Variants in ATP11B observed in about 807,000 individuals in gnomAD.
ATP11B encodes ATPase phospholipid transporting 11B (putative).
A neutral mutation model predicts 157.8 loss-of-function variants in ATP11B; 81 were observed. That is an observed-to-expected ratio of 0.51 (90% confidence interval 0.43 to 0.62). The LOEUF (loss-of-function observed/expected upper bound fraction) is 0.62. Ranked by LOEUF, ATP11B falls within the 20% of genes least tolerant of loss-of-function variation. The pLI is 0.00. For missense variants in ATP11B, 1,165 were observed against 1,402.2 expected, an observed-to-expected ratio of 0.83 and a Z score of 2.70; for synonymous variants, 451 against 469.4, an observed-to-expected ratio of 0.96 and a Z score of 0.51.
At chr3:182,884,650 TC>T in intron 21 of ATP11B, 102 bp from the exon 22 acceptor site, 1 of 1,164,234 alleles carries the variant, frequency 8.6e-7, no homozygotes, top group Non-Finnish European at 1.2e-6. Context: ...GATTTAATGT[TC>T]CTAAGTGCAT....
Position 182,805,675 on chromosome 3 carries a change from G to T in ATP11B, c.27+11889G>T, listed in dbSNP as rs140064093. On this transcript the variant is annotated intron_variant, in intron 1 of 29. Coordinates refer to ENST00000323116, the MANE Select transcript of ATP11B (RefSeq NM_014616.3). ...GGGGTTTCTCCATGTTGGTCAGACT[G>T]GTCTCGAACTCCTAACCTCAGGTGA... is the stretch of plus-strand genomic sequence containing the variant. 2.3e-3 allele frequency among the ~76,000 whole-genome samples: 349 copies of T among 149,884 alleles called. 3 individuals are homozygous for T. The highest frequency in any genetic ancestry group is 0.01 in the Middle Eastern group (3 of 290).
intron 15 of ATP11B, among the ~76,000 whole-genome samples, chr3:182,868,063 A>C (rs767511463): frequency 6.6e-6 from 1 of 151,990 alleles, no homozygotes; most frequent in Non-Finnish European, 1.5e-5. Context: ...TGAATATTTC[A>C]TCTATATTTT....
intron 12 of ATP11B, among the ~76,000 whole-genome samples, chr3:182,863,253 A>C (rs1720987663): frequency 6.6e-6 from 1 of 152,138 alleles, no homozygotes; most frequent in South Asian, 2.1e-4. Flanking sequence ...ATTTATGTTA[A>C]ATATTAATTC....
intron 28 of ATP11B, among the ~76,000 whole-genome samples, chr3:182,903,891 A>T (rs1724145770): frequency 6.6e-6 from 1 of 152,228 alleles, no homozygotes; most frequent in Non-Finnish European, 1.5e-5. Context: ...TTTTTATGAA[A>T]TCATATTTTC....
At position 182,837,826 on chromosome 3, in the gene ATP11B, T is replaced by C. The variant is rs1718671790; in HGVS notation, c.656+652T>C. Among the ~76,000 whole-genome samples the C allele has an allele frequency of 2.0e-5, 3 of 152,082 alleles. No homozygotes were observed. In the South Asian group the frequency reaches 6.2e-4, roughly 31 times the overall value. On this transcript the variant is annotated intron_variant, in intron 7 of 29. Transcript: ENST00000323116. ...CAGAGGAACTAACTGCTTTTAACAT[T>C]ACAGTTTGCTAAACACAGTGTTGTA... is the stretch of plus-strand genomic sequence containing the variant.
intron 6 of ATP11B, among the ~76,000 whole-genome samples, chr3:182,836,799 GT>G (rs1175617255): frequency 6.6e-6 from 1 of 152,126 alleles, no homozygotes; most frequent in Non-Finnish European, 1.5e-5. Context: ...AAAATTCACA[GT>G]TTTTCCTATT....
chr3:182,856,739 A>G (rs1011362542), intron 10 of ATP11B, among the ~76,000 whole-genome samples: 1 of 152,236 alleles, frequency 6.6e-6, no homozygotes, highest in African/African-American at 2.4e-5. Context: ...TAGAGTTTAC[A>G]TTGGAACATG....
intron 10 of ATP11B, among the ~76,000 whole-genome samples, chr3:182,850,535 C>A (rs1020440496): frequency 1.3e-5 from 2 of 151,838 alleles, no homozygotes; most frequent in African/African-American, 4.8e-5. Context: ...ATCTTGCCAG[C>A]CAGAATGGCT....
At chr3:182,827,411 A>G (rs921107042) in intron 2 of ATP11B, among the ~76,000 whole-genome samples, 43 of 152,200 alleles carry the variant, frequency 2.8e-4, no homozygotes, top group Admixed American at 7.2e-4. Flanking sequence ...TCCTCATTTT[A>G]TAGAGGAGCA....
At chr3:182,878,415 G>C (rs999204535) in intron 19 of ATP11B, among the ~76,000 whole-genome samples, 2 of 152,192 alleles carry the variant, frequency 1.3e-5, no homozygotes, top group Non-Finnish European at 2.9e-5. Context: ...GCTACACTGA[G>C]TACTGGCTTT....
chr3:182,916,827 G>T (rs539279825), intron 29 of ATP11B: 1 of 984,990 alleles, frequency 1.0e-6, no homozygotes, highest in East Asian at 1.1e-4. Flanking sequence ...TTGGACATCT[G>T]ACTCCGGATA....
chr3:182,817,679 T>G (rs1172462157), intron 1 of ATP11B, among the ~76,000 whole-genome samples: 2 of 152,192 alleles, frequency 1.3e-5, no homozygotes, highest in African/African-American at 4.8e-5. Flanking sequence ...CCAGTAGAGA[T>G]AAATGGGAAA....
intron 17 of ATP11B, among the ~76,000 whole-genome samples, chr3:182,870,145 A>G (rs1428359526): frequency 1.3e-5 from 2 of 152,250 alleles, no homozygotes; most frequent in African/African-American, 2.4e-5. Flanking sequence ...TTGTGGATTT[A>G]GATAGTGGTG....
rs1720440387 is a variant in ATP11B at position 182,856,764 on chromosome 3, T to A, written c.852-1114T>A. On this transcript the variant is annotated intron_variant, in intron 10 of 29. Coordinates refer to ENST00000323116, the MANE Select transcript of ATP11B (RefSeq NM_014616.3). Reference sequence around the variant, plus strand: ...ATTGGAACATGGTGGAATATCAGCTTACTCCATAGTTAAGATTAGGTTCAA... The same window carrying A: ...ATTGGAACATGGTGGAATATCAGCTAACTCCATAGTTAAGATTAGGTTCAA... 2.6e-5 allele frequency among the ~76,000 whole-genome samples: 4 copies of A among 152,174 alleles called. No individual in the cohort carries two copies. The South Asian group carries it at 8.3e-4, about 31-fold the overall frequency.
rs983689680 is a variant in ATP11B at position 182,917,346 on chromosome 3, T to C, written c.3453-677T>C. The C allele has an allele frequency of 1.3e-5, 13 of 985,384 alleles. No homozygotes were observed. The African/African-American group carries it at 2.3e-4, about 17-fold the overall frequency. 61.0% of individuals were successfully genotyped at this position (985,384 alleles called of 1,614,324 possible). On this transcript the variant is annotated intron_variant, in intron 29 of 29. Coordinates refer to ENST00000323116, the MANE Select transcript of ATP11B (RefSeq NM_014616.3). ...GGCTACTTTTGGTCTTGAGTTATTT[T>C]AGCTTAAATTAACTCAAGCTAATTT...
rs891431082 is a variant in ATP11B at position 182,869,128 on chromosome 3, G to A, written c.1739G>A (p.Ser580Asn). The A allele has an allele frequency of 4.3e-6, 7 of 1,611,692 alleles. No homozygotes were observed. The highest frequency in any genetic ancestry group is 1.3e-5 in the African/African-American group (1 of 74,860). The change falls in exon 16 of 30, where the codon AGT (serine) becomes AAT (asparagine). Residue 580 changes from serine (S) to asparagine (N), a missense_variant. By Grantham distance (46) the Ser-to-Asn change is conservative. Around this residue, in one of 4 missense-constraint regions of ATP11B, gnomAD observed 737 missense variants for 930.5 expected, o/e 0.79. Transcript: ENST00000323116. ...LEFDSDRRRM[S>N]VIVQAPSGEK... The stretch of plus-strand genomic sequence containing the variant: ...TTTGATTCAGATCGTAGGAGAATGA[G>A]TGTAATTGTTCAGGCACCTTCAGGT...
intron 12 of ATP11B, among the ~76,000 whole-genome samples, chr3:182,864,302 G>A (rs375635495): frequency 6.6e-6 from 1 of 152,072 alleles, no homozygotes; most frequent in Non-Finnish European, 1.5e-5. Context: ...ACAATGTTGA[G>A]TAAAAGTGAC....
intron 14 of ATP11B, among the ~76,000 whole-genome samples, chr3:182,866,925 A>G (rs895230409): frequency 8.4e-5 from 8 of 94,794 alleles, no homozygotes; most frequent in African/African-American, 2.3e-4. Flanking sequence ...TATAAAATAT[A>G]TATATATTTT....
rs140994805 is a variant in ATP11B, at chr3:182,810,864, C to T, written c.28-9396C>T. ...ATCCAAATACATAGTTGATTCTCAACGCTGTCAGACATATTTCCCCTGTTC... is the reference window on the plus strand; with the variant it reads ...ATCCAAATACATAGTTGATTCTCAATGCTGTCAGACATATTTCCCCTGTTC... On this transcript the variant is annotated intron_variant, in intron 1 of 29. Coordinates refer to ENST00000323116, the MANE Select transcript of ATP11B (RefSeq NM_014616.3). Among the ~76,000 whole-genome samples the T allele has an allele frequency of 2.1e-3, 320 of 152,240 alleles. 3 individuals carry two copies. Among genetic ancestry groups the T allele is most frequent in the Middle Eastern group, 0.01 (3 of 294 alleles).
Sources: allele counts gnomAD v4.1 joint callset (sites outside exome capture counted in the v4.1 genomes callset), GRCh38; gene constraint gnomAD v4.1.1; regional missense constraint gnomAD v4.1.1; transcripts MANE v1.5; gene names NCBI Gene and HGNC (gene_info 2026-07-23, HGNC 2026-07-21).